CCDC12: variants seen among roughly 807,000 people sequenced by gnomAD.
CCDC12 encodes the protein coiled-coil domain-containing protein 12.
A neutral mutation model predicts 25.7 loss-of-function variants in CCDC12; 28 were observed. The ratio of observed to expected loss-of-function variants is 1.09; its 90% CI spans 0.81 to 1.50. CCDC12 has a LOEUF of 1.50. CCDC12 is among the 40% of genes most tolerant of loss of function. CCDC12 has a pLI of 0.00. For synonymous variants in CCDC12, 75 were observed against 87.7 expected (o/e 0.86, Z 0.81); for missense variants, 198 against 210.0 (o/e 0.94, Z 0.35).
rs2033663961 is a variant in CCDC12 at position 46,940,663 on chromosome 3, C to A, written c.164+335G>T. ...GATGGTCCAGGCAGAGCTTCACATG[C>A]CAAGTGCAGAAGGGGCACTTACTCA... On this transcript the variant is annotated intron_variant, in intron 2 of 6. Transcript: ENST00000683445. The A allele has an allele frequency of 2.8e-5, 8 of 283,288 alleles. No homozygotes were observed. The South Asian group carries it at 4.1e-4, about 15-fold the overall frequency. 17.5% of individuals were successfully genotyped at this position (283,288 alleles called of 1,614,324 possible).
chr3:46,924,556 A>G (rs2032852038), intron 3 of CCDC12, among the ~76,000 whole-genome samples: 1 of 152,248 alleles, frequency 6.6e-6, no homozygotes, highest in Non-Finnish European at 1.5e-5. Flanking sequence ...AAAAAAGTTG[A>G]TAACAAGGCA....
chr3:46,963,984 C>T (rs1262225458), intron 1 of CCDC12, among the ~76,000 whole-genome samples: 3 of 151,542 alleles, frequency 2.0e-5, no homozygotes, highest in African/African-American at 7.3e-5. Context: ...CGCCTCTTCC[C>T]GGCCGCCATC....
intron 2 of CCDC12, chr3:46,940,507 G>C (rs2033657408): frequency 1.2e-5 from 2 of 161,174 alleles, no homozygotes; most frequent in African/African-American, 4.8e-5. Flanking sequence ...GTATAGGAGA[G>C]ATGAGAAGGA....
At chr3:46,968,615 G>A (rs2034709751) in intron 1 of CCDC12, among the ~76,000 whole-genome samples, 1 of 152,194 alleles carries the variant, frequency 6.6e-6, no homozygotes, top group African/African-American at 2.4e-5. Context: ...CCATAGATGC[G>A]ATTAATGGAG....
intron 1 of CCDC12, among the ~76,000 whole-genome samples, chr3:46,941,564 C>CA (rs11306063): frequency 4.4e-5 from 6 of 136,052 alleles, no homozygotes; most frequent in African/African-American, 1.1e-4. Context: ...GACTCCATCT[C>CA]AAAAAAAAAA....
intron 2 of CCDC12, among the ~76,000 whole-genome samples, chr3:46,939,116 C>G (rs958569209): frequency 6.6e-6 from 1 of 152,204 alleles, no homozygotes; most frequent in Non-Finnish European, 1.5e-5. Flanking sequence ...TGGTGCCCTG[C>G]ACAGAGCAGA....
At chr3:46,940,969 C>T (rs2033676021) in intron 2 of CCDC12, 29 bp downstream of exon 2, 2 of 1,609,240 alleles carry the variant, frequency 1.2e-6, no homozygotes, top group Middle Eastern at 1.7e-4. Context: ...GAGGAGAGAG[C>T]AGACCCTGGA....
intron 1 of CCDC12, among the ~76,000 whole-genome samples, chr3:46,950,511 G>T (rs2034077504): frequency 6.6e-6 from 1 of 151,812 alleles, no homozygotes; most frequent in Non-Finnish European, 1.5e-5. Flanking sequence ...TAGAGACAGG[G>T]TCTAACTATA....
chr3:46,956,564 G>A (rs2034293101), intron 1 of CCDC12, among the ~76,000 whole-genome samples: 1 of 152,232 alleles, frequency 6.6e-6, no homozygotes, highest in Non-Finnish European at 1.5e-5. Context: ...GCTCACGCCT[G>A]TAATCCCAAC....
upstream of CCDC12, chr3:46,979,734 A>T: frequency 3.2e-6 from 1 of 316,168 alleles, no homozygotes; most frequent in Non-Finnish European, 5.8e-6. Context: ...AGACTTCCCC[A>T]GTAGTACCGC....
intron 2 of CCDC12, among the ~76,000 whole-genome samples, chr3:46,938,407 A>C (rs763011084): frequency 6.6e-6 from 1 of 151,836 alleles, no homozygotes; most frequent in Non-Finnish European, 1.5e-5. Context: ...ATTATGATAT[A>C]TCTCAGGCAC....
intron 1 of CCDC12, among the ~76,000 whole-genome samples, chr3:46,969,011 G>A (rs373450898): frequency 5.3e-5 from 8 of 152,286 alleles, no homozygotes; most frequent in Non-Finnish European, 7.4e-5. Flanking sequence ...GGCAGTGATC[G>A]CCTTGGCTGA....
At chr3:46,942,495 T>A (rs1486218940) in intron 1 of CCDC12, among the ~76,000 whole-genome samples, 1 of 152,266 alleles carries the variant, frequency 6.6e-6, no homozygotes, top group Admixed American at 6.5e-5. Flanking sequence ...AAACAGCTAC[T>A]TGAACTACCT....
chr3:46,957,075 A>G (rs1006751492), intron 1 of CCDC12, among the ~76,000 whole-genome samples: 1 of 152,138 alleles, frequency 6.6e-6, no homozygotes, highest in Non-Finnish European at 1.5e-5. Flanking sequence ...GCCCCTTACT[A>G]CAGAAGCCAA....
At chr3:46,970,671 C>T (rs1204454413) in intron 1 of CCDC12, among the ~76,000 whole-genome samples, 1 of 152,236 alleles carries the variant, frequency 6.6e-6, no homozygotes, top group African/African-American at 2.4e-5. Context: ...CAGCAAGAGA[C>T]AGCCCAATTC....
chr3:46,954,732 T>A (rs1403311286), intron 1 of CCDC12, among the ~76,000 whole-genome samples: 1 of 152,154 alleles, frequency 6.6e-6, no homozygotes, highest in East Asian at 1.9e-4. Flanking sequence ...AAGACCAGCC[T>A]GGCCAACATG....
intron 1 of CCDC12, among the ~76,000 whole-genome samples, chr3:46,950,230 C>A (rs1212993734): frequency 1.3e-5 from 2 of 152,122 alleles, no homozygotes; most frequent in African/African-American, 2.4e-5. Flanking sequence ...ACCCAGGACC[C>A]AGCACCCAGG....
At chr3:46,970,982 C>T (rs1387480762) in intron 1 of CCDC12, among the ~76,000 whole-genome samples, 1 of 152,190 alleles carries the variant, frequency 6.6e-6, no homozygotes, top group African/African-American at 2.4e-5. Flanking sequence ...TCTTGCAAAA[C>T]TTGGCTACCA....
chr3:46,961,947 C>T (rs565490362), intron 1 of CCDC12, among the ~76,000 whole-genome samples: 2 of 152,268 alleles, frequency 1.3e-5, no homozygotes, highest in South Asian at 2.1e-4. Context: ...TCCCTACGCA[C>T]ACCACACAAA....
Sources: gnomAD v4.1 joint callset for allele counts (sites outside exome capture counted in the v4.1 genomes callset) on GRCh38, gnomAD v4.1.1 for gene constraint, MANE v1.5 for transcripts, NCBI Gene and HGNC (gene_info 2026-07-23, HGNC 2026-07-21) for gene names.